The following LSAMP variants were observed in gnomAD, a reference collection of about 807,000 sequenced individuals.
LSAMP encodes the protein limbic system-associated membrane protein.
LSAMP carries 7 observed loss-of-function variants against 38.6 expected under a neutral mutation model. That is an observed-to-expected ratio of 0.18 (90% CI 0.10 to 0.34). The LOEUF is 0.34. LSAMP is among the 10% of genes least tolerant of loss of function. The pLI, the probability that LSAMP is intolerant of heterozygous loss-of-function variation, is 1.00. For synonymous variants in LSAMP, 154 were observed against 166.8 expected (o/e 0.92, Z 0.59); for missense variants, 313 against 420.0 (o/e 0.75, Z 2.23).
At chr3:115,912,569 G>C (rs548441802) in intron 3 of LSAMP, among the ~76,000 whole-genome samples, 1 of 152,158 alleles carries the variant, frequency 6.6e-6, no homozygotes, top group Admixed American at 6.5e-5. Flanking sequence ...TCTTGGCAAG[G>C]GATACTGTGT....
intron 1 of LSAMP, among the ~76,000 whole-genome samples, chr3:116,153,878 A>G (rs1298130755): frequency 1.3e-5 from 2 of 152,070 alleles, no homozygotes; most frequent in Non-Finnish European, 2.9e-5. Context: ...TTTATATAAA[A>G]TTATTGTAAA....
At chr3:116,368,471 C>G in intron 1 of LSAMP, among the ~76,000 whole-genome samples, 1 of 151,882 alleles carries the variant, frequency 6.6e-6, no homozygotes, top group Non-Finnish European at 1.5e-5. Flanking sequence ...CAGTGATTGT[C>G]AAAATTCTTA....
intron 3 of LSAMP, among the ~76,000 whole-genome samples, chr3:116,001,373 T>C (rs1939988723): frequency 6.6e-6 from 1 of 152,208 alleles, no homozygotes; most frequent in Non-Finnish European, 1.5e-5. Flanking sequence ...TGTACAGGCA[T>C]ATATTCCGTA....
chr3:116,135,946 A>C (rs1266082149), intron 1 of LSAMP, among the ~76,000 whole-genome samples: 2 of 152,136 alleles, frequency 1.3e-5, no homozygotes, highest in Non-Finnish European at 2.9e-5. Flanking sequence ...TAGCCTTAAA[A>C]ATGTCCTAGA....
chr3:116,191,797 GT>G (rs5851997), intron 1 of LSAMP, among the ~76,000 whole-genome samples: 151,187 of 151,654 alleles, frequency 1, 75,360 homozygotes, highest in East Asian at 1. Context: ...AATTATAATA[GT>G]TTTTTTTTGA....
chr3:116,046,949 T>C (rs1375011847), intron 2 of LSAMP, among the ~76,000 whole-genome samples: 1 of 152,084 alleles, frequency 6.6e-6, no homozygotes, highest in Non-Finnish European at 1.5e-5. Context: ...GATGAAAAAA[T>C]GGCTGATCAG....
intron 1 of LSAMP, among the ~76,000 whole-genome samples, chr3:116,340,092 G>A (rs1456407500): frequency 6.6e-6 from 1 of 152,058 alleles, no homozygotes; most frequent in African/African-American, 2.4e-5. Context: ...GAATTTGCCA[G>A]TTCTAGCTCT....
intron 1 of LSAMP, among the ~76,000 whole-genome samples, chr3:116,409,102 A>C (rs1010373016): frequency 6.6e-6 from 1 of 152,042 alleles, no homozygotes; most frequent in Non-Finnish European, 1.5e-5. Context: ...TATCATGTGT[A>C]AAGCTCTCCA....
Position 116,169,037 on chromosome 3 carries a change from C to G in LSAMP, c.156-82481G>C, listed in dbSNP as rs75445021. 4.7e-3 allele frequency among the ~76,000 whole-genome samples: 710 copies of G among 152,128 alleles called. 4 individuals carry two copies. Among genetic ancestry groups the G allele is most frequent in the African/African-American group, 0.016 (655 of 41,498 alleles). ...GCAACACAGCAAGACACGGTTTTCA[C>G]AAAAAATTTAAAAAACAATTAACTG... On this transcript the variant is annotated intron_variant, in intron 1 of 6. Coordinates refer to ENST00000490035, the MANE Select transcript of LSAMP (RefSeq NM_002338.5).
intron 1 of LSAMP, among the ~76,000 whole-genome samples, chr3:116,091,238 C>T (rs908469381): frequency 3.9e-5 from 6 of 152,214 alleles, no homozygotes; most frequent in Admixed American, 6.5e-5. Context: ...GGCTCACCGG[C>T]GGCCAGAGTT....
chr3:115,826,646 T>C (rs569465413), intron 6 of LSAMP, among the ~76,000 whole-genome samples: 1 of 152,308 alleles, frequency 6.6e-6, no homozygotes, highest in East Asian at 1.9e-4. Context: ...TCAGAGCAAA[T>C]ACTAAGATAT....
chr3:115,906,422 G>A (rs1258924083), intron 3 of LSAMP, among the ~76,000 whole-genome samples: 2 of 152,086 alleles, frequency 1.3e-5, no homozygotes, highest in East Asian at 1.9e-4. Flanking sequence ...TATTGTCTGG[G>A]TGTAGGTATT....
At chr3:116,040,919 G>GTATT (rs573272090) in intron 2 of LSAMP, among the ~76,000 whole-genome samples, 5 of 151,900 alleles carry the variant, frequency 3.3e-5, no homozygotes, top group Non-Finnish European at 7.4e-5. Flanking sequence ...TAATTTAATT[G>GTATT]TATTTATTTA....
intron 3 of LSAMP, among the ~76,000 whole-genome samples, chr3:115,990,227 C>G (rs994805266): frequency 6.6e-6 from 1 of 151,952 alleles, no homozygotes; most frequent in African/African-American, 2.4e-5. Flanking sequence ...GTCATAATTA[C>G]GCATCTTTAG....
intron 1 of LSAMP, among the ~76,000 whole-genome samples, chr3:116,291,118 T>C (rs1470790789): frequency 6.6e-6 from 1 of 152,230 alleles, no homozygotes; most frequent in African/African-American, 2.4e-5. Context: ...CTTGTTCCTC[T>C]TTGTCTCCTT....
chr3:116,265,741 C>T (rs2046883206), intron 1 of LSAMP, among the ~76,000 whole-genome samples: 1 of 152,154 alleles, frequency 6.6e-6, no homozygotes, highest in Non-Finnish European at 1.5e-5. Context: ...TACAGGCTTC[C>T]TGAAATGTTT....
chr3:115,887,043 G>A (rs1936472650), intron 3 of LSAMP, among the ~76,000 whole-genome samples: 1 of 151,804 alleles, frequency 6.6e-6, no homozygotes, highest in Admixed American at 6.6e-5. Context: ...TAACATACAA[G>A]GCATTTTATA....
intron 1 of LSAMP, among the ~76,000 whole-genome samples, chr3:116,243,777 A>T (rs1294868665): frequency 6.6e-6 from 1 of 152,138 alleles, no homozygotes; most frequent in African/African-American, 2.4e-5. Context: ...TGGCAAGGAA[A>T]TATATGGGAT....
chr3:115,829,191 G>T (rs907053620), intron 6 of LSAMP, among the ~76,000 whole-genome samples: 8 of 152,142 alleles, frequency 5.3e-5, no homozygotes, highest in African/African-American at 1.7e-4. Context: ...GTAGAAGGAA[G>T]AGTAAAGAGG....
Sources: gnomAD v4.1 joint callset for allele counts (sites outside exome capture counted in the v4.1 genomes callset) on GRCh38, gnomAD v4.1.1 for gene constraint, MANE v1.5 for transcripts, NCBI Gene and HGNC (gene_info 2026-07-23, HGNC 2026-07-21) for gene names.